The following KIAA1217 variants were observed in gnomAD, a reference collection of about 807,000 sequenced individuals.
The protein encoded by KIAA1217 is sickle tail protein homolog.
KIAA1217 carries 88 observed loss-of-function variants against 163.9 expected under a neutral mutation model. The ratio of observed to expected loss-of-function variants is 0.54; its 90% CI spans 0.45 to 0.64. KIAA1217 has a LOEUF of 0.64. Among genes scored for constraint, KIAA1217 ranks in the 30% least tolerant of loss-of-function variants. The pLI is 0.00. For missense variants in KIAA1217, 2,372 were observed against 2,475.0 expected (o/e 0.96, Z 0.88); for synonymous variants, 903 against 923.1 (o/e 0.98, Z 0.39).
intron 1 of KIAA1217, among the ~76,000 whole-genome samples, chr10:23,981,699 C>T (rs1845772955): frequency 6.6e-6 from 1 of 151,834 alleles, no homozygotes; most frequent in African/African-American, 2.4e-5. Context: ...ATGTCAAGAC[C>T]AGCCCTGTTT....
intron 2 of KIAA1217, among the ~76,000 whole-genome samples, chr10:24,203,370 G>T (rs558585449): frequency 6.6e-6 from 1 of 152,056 alleles, no homozygotes. Context: ...CAGAGCAAAG[G>T]CTGAACAGGA....
intron 2 of KIAA1217, among the ~76,000 whole-genome samples, chr10:24,167,183 G>A (rs760775163): frequency 4.9e-5 from 4 of 81,194 alleles, no homozygotes; most frequent in Non-Finnish European, 1.1e-4. Context: ...CTTTGTTTTA[G>A]GTTCTCTCCT....
intron 3 of KIAA1217, among the ~76,000 whole-genome samples, chr10:24,429,132 C>T (rs778959415): frequency 2.0e-5 from 3 of 152,134 alleles, no homozygotes; most frequent in Non-Finnish European, 4.4e-5. Flanking sequence ...AAATATTTCC[C>T]TCCAGGTTTT....
chr10:24,064,879 T>C (rs1341183152), intron 2 of KIAA1217, among the ~76,000 whole-genome samples: 1 of 152,250 alleles, frequency 6.6e-6, no homozygotes, highest in East Asian at 1.9e-4. Context: ...GGAGACTGTA[T>C]GTGTCGAGGA....
chr10:24,007,113 G>A (rs1485199274), intron 1 of KIAA1217: 3 of 151,344 alleles, frequency 2.0e-5, no homozygotes, highest in Non-Finnish European at 4.4e-5. Flanking sequence ...TATCATAGAG[G>A]TATTTTATTC....
chr10:24,281,939 C>G (rs1009921741), intron 2 of KIAA1217, among the ~76,000 whole-genome samples: 4 of 151,972 alleles, frequency 2.6e-5, no homozygotes, highest in Admixed American at 2.6e-4. Flanking sequence ...TGCCTGTAGT[C>G]CCAGCTACTC....
At chr10:24,304,205 CTT>C (rs35675149) in intron 2 of KIAA1217, among the ~76,000 whole-genome samples, 143 of 125,430 alleles carry the variant, frequency 1.1e-3, no homozygotes, top group East Asian at 2.9e-3. Flanking sequence ...ATTAGGTTAC[CTT>C]TTTTTTTTTT....
intron 1 of KIAA1217, among the ~76,000 whole-genome samples, chr10:24,214,621 G>A (rs2068579725): frequency 6.6e-6 from 1 of 152,168 alleles, no homozygotes. Context: ...CAGCAGAAGA[G>A]CGTTCTGGTC....
At chr10:23,722,479 A>C (rs1837924848) in intron 1 of KIAA1217, among the ~76,000 whole-genome samples, 1 of 152,170 alleles carries the variant, frequency 6.6e-6, no homozygotes, top group Non-Finnish European at 1.5e-5. Context: ...TAGGATAAAC[A>C]CTTAGTGTCT....
chr10:23,755,244 AT>A lies in KIAA1217; in HGVS notation c.-321+60012del, dbSNP rs1452822697. ...AGATCTTTGGAGCTTATTGAGAGAAATTGAAATCCTAGAGGAATCCTAGGAA... is the reference window on the plus strand; with the variant it reads ...AGATCTTTGGAGCTTATTGAGAGAAATGAAATCCTAGAGGAATCCTAGGAA... On this transcript the variant is annotated intron_variant, in intron 1 of 18. Coordinates refer to the KIAA1217 transcript ENST00000376462. Among the ~76,000 whole-genome samples, 10 of 152,328 alleles carry A rather than the reference AT, an allele frequency of 6.6e-5. No homozygotes were observed. In the East Asian group the frequency reaches 1.4e-3, roughly 21 times the overall value.
chr10:24,542,508 G>A (rs2075239980), intron 17 of KIAA1217, 185 bp from the exon 18 acceptor site: 1 of 1,422,458 alleles, frequency 7.0e-7, no homozygotes, highest in East Asian at 2.5e-5. Context: ...CAAACACAGG[G>A]CATTTTTGGC....
At position 24,258,061 on chromosome 10, in the gene KIAA1217, A is replaced by G. The variant is rs74127006; in HGVS notation, c.354+38152A>G. 5.7e-3 allele frequency among the ~76,000 whole-genome samples: 873 copies of G among 152,176 alleles called. 11 individuals are homozygous for G. Among genetic ancestry groups the G allele is most frequent in the African/African-American group, 0.02 (828 of 41,522 alleles). On this transcript the variant is annotated intron_variant, in intron 2 of 20. Transcript: ENST00000376454. The stretch of plus-strand genomic sequence containing the variant: ...CCAGGGATAGTGGTGCATACCTATA[A>G]TCCCAGCTACTTGGGAGGCTGAGGT...
At chr10:24,467,381 G>A (rs976969017) in intron 5 of KIAA1217, among the ~76,000 whole-genome samples, 1 of 152,104 alleles carries the variant, frequency 6.6e-6, no homozygotes, top group African/African-American at 2.4e-5. Context: ...AGACAATAGA[G>A]GTTTGGGCAG....
At chr10:24,300,442 G>T (rs999734212) in intron 2 of KIAA1217, among the ~76,000 whole-genome samples, 12 of 149,272 alleles carry the variant, frequency 8.0e-5, no homozygotes, top group African/African-American at 3.0e-4. Flanking sequence ...CTTGTCTTTG[G>T]CAGGATCATC....
intron 5 of KIAA1217, among the ~76,000 whole-genome samples, chr10:24,439,854 A>G (rs1202061644): frequency 6.6e-6 from 1 of 152,132 alleles, no homozygotes; most frequent in Non-Finnish European, 1.5e-5. Context: ...CCCTATTTCA[A>G]GGTCAGCTGA....
At chr10:24,399,078 G>A (rs572242413) in intron 3 of KIAA1217, among the ~76,000 whole-genome samples, 2 of 152,266 alleles carry the variant, frequency 1.3e-5, no homozygotes, top group East Asian at 3.9e-4. Context: ...AATAATAGAA[G>A]TGGACCCACA....
intron 1 of KIAA1217, among the ~76,000 whole-genome samples, chr10:23,949,104 C>A (rs1450283006): frequency 1.3e-5 from 2 of 152,172 alleles, no homozygotes; most frequent in Non-Finnish European, 1.5e-5. Flanking sequence ...TCCTTACTGA[C>A]CTTTCACCTT....
At chr10:24,098,722 A>AGTGTGTGT (rs1189629391) in intron 2 of KIAA1217, among the ~76,000 whole-genome samples, 1 of 111,290 alleles carries the variant, frequency 9.0e-6, no homozygotes, top group African/African-American at 5.7e-5. Context: ...TCTGAAGGGG[A>AGTGTGTGT]GCGTGTGTGT....
In KIAA1217 at chr10:23,789,968, CATATACATATATACACATAT is replaced by C. The variant is rs1356898765; in HGVS notation, c.-321+94736_-321+94755del. Among the ~76,000 whole-genome samples the C allele has an allele frequency of 3.5e-3, 321 of 92,852 alleles. 17 individuals are homozygous for C. The highest frequency in any genetic ancestry group is 9.8e-3 in the Admixed American group (84 of 8,594). The allele number at this position is 92,852 out of a possible 152,430, so 60.9% of individuals were successfully genotyped here. On this transcript the variant is annotated intron_variant, in intron 1 of 18. Coordinates refer to the KIAA1217 transcript ENST00000376462. The stretch of plus-strand genomic sequence containing the variant: ...ATATACATGTATATATACACATATA[CATATACATATATACACATAT>C]ACATATACACATATGCACATACACA...
Sources: gnomAD v4.1 joint callset for allele counts (sites outside exome capture counted in the v4.1 genomes callset) on GRCh38, gnomAD v4.1.1 for gene constraint, MANE v1.5 for transcripts, NCBI Gene and HGNC (gene_info 2026-07-23, HGNC 2026-07-21) for gene names.